CEP128: variants seen among roughly 807,000 people sequenced by gnomAD.
CEP128 encodes the protein centrosomal protein 128.
In CEP128, 132 loss-of-function variants were observed where a neutral mutation model predicts 156.7. The ratio of observed to expected loss-of-function variants is 0.84; its 90% CI spans 0.73 to 0.97. The LOEUF is 0.97. Ranked by LOEUF, CEP128 falls within the 50% of genes least tolerant of loss-of-function variation. CEP128 has a pLI of 0.00. For synonymous variants in CEP128, 469 were observed against 448.9 expected, an observed-to-expected ratio of 1.04 and a Z score of -0.57; for missense variants, 1,252 against 1,281.9, an observed-to-expected ratio of 0.98 and a Z score of 0.36.
intron 8 of CEP128, among the ~76,000 whole-genome samples, chr14:80,871,132 G>A (rs1325310164): frequency 6.6e-6 from 1 of 152,020 alleles, no homozygotes; most frequent in Non-Finnish European, 1.5e-5. Flanking sequence ...AAGATATACA[G>A]AGAAAGCCAC....
chr14:80,696,229 C>G (rs117751011), intron 19 of CEP128, among the ~76,000 whole-genome samples: 2,005 of 152,190 alleles, frequency 0.013, 20 homozygotes, highest in Non-Finnish European at 0.021. Flanking sequence ...AGTGAGTAAA[C>G]AAGGAATAAC....
chr14:80,520,989 A>ATT lies in CEP128; in HGVS notation c.3072+5878_3072+5879dup, dbSNP rs533538115. 5.7e-3 allele frequency among the ~76,000 whole-genome samples: 654 copies of ATT among 114,578 alleles called. 3 individuals are homozygous for ATT. The highest frequency in any genetic ancestry group is 9.6e-3 in the Non-Finnish European group (530 of 55,036). 75.2% of individuals were successfully genotyped at this position (114,578 alleles called of 152,430 possible). On this transcript the variant is annotated intron_variant, in intron 23 of 24. Coordinates refer to ENST00000555265, the MANE Select transcript of CEP128 (RefSeq NM_152446.5). ...AGGCACCCGCCACCACGCCCAGCTA[A>ATT]TTTTTTTTTTTTTTTTTTTTTTTTT...
intron 23 of CEP128, among the ~76,000 whole-genome samples, chr14:80,519,374 A>G (rs1888633426): frequency 6.6e-6 from 1 of 152,236 alleles, no homozygotes; most frequent in African/African-American, 2.4e-5. Flanking sequence ...ATACCCACCA[A>G]GTATTTTTCT....
intron 19 of CEP128, among the ~76,000 whole-genome samples, chr14:80,704,728 A>G (rs1399905097): frequency 1.4e-5 from 2 of 145,610 alleles, no homozygotes; most frequent in African/African-American, 4.9e-5. Context: ...ATTTAGCCTA[A>G]ACTGATTCTG....
chr14:80,702,988 G>T (rs1897124829), intron 19 of CEP128, among the ~76,000 whole-genome samples: 1 of 152,132 alleles, frequency 6.6e-6, no homozygotes. Flanking sequence ...ATGTATGTAT[G>T]TACGTATGTA....
At chr14:80,756,988 T>G in intron 17 of CEP128, 37 bp from the exon 18 acceptor site, 1 of 1,307,444 alleles carries the variant, frequency 7.6e-7, no homozygotes, top group Non-Finnish European at 1.1e-6. Context: ...AAATACATTT[T>G]TCTCTGACAT....
chr14:80,767,254 G>A (rs1900284869), intron 16 of CEP128, among the ~76,000 whole-genome samples: 1 of 152,012 alleles, frequency 6.6e-6, no homozygotes, highest in African/African-American at 2.4e-5. Flanking sequence ...ATTTAAGCTG[G>A]AAAATTACCA....
intron 13 of CEP128, among the ~76,000 whole-genome samples, chr14:80,805,131 C>T (rs1003824746): frequency 6.6e-6 from 1 of 151,840 alleles, no homozygotes; most frequent in African/African-American, 2.4e-5. Flanking sequence ...GGATAAACCT[C>T]AAGGTTTATC....
intron 18 of CEP128, among the ~76,000 whole-genome samples, chr14:80,745,686 G>A (rs910977534): frequency 1.3e-5 from 2 of 151,922 alleles, no homozygotes; most frequent in African/African-American, 4.8e-5. Context: ...TTCTCACTAA[G>A]ACCAGAAGCA....
At chr14:80,584,695 T>C (rs1055260151) in intron 19 of CEP128, among the ~76,000 whole-genome samples, 3 of 152,278 alleles carry the variant, frequency 2.0e-5, no homozygotes, top group East Asian at 1.9e-4. Context: ...CAAGAGAATA[T>C]AGGTGAGACC....
intron 9 of CEP128, among the ~76,000 whole-genome samples, chr14:80,845,729 TA>T (rs1257717636): frequency 5.3e-5 from 8 of 152,142 alleles, no homozygotes; most frequent in African/African-American, 7.2e-5. Context: ...TATTTTCTAA[TA>T]AAAATAAAAC....
At chr14:80,930,777 C>T (rs1215067842) in intron 2 of CEP128, among the ~76,000 whole-genome samples, 1 of 152,202 alleles carries the variant, frequency 6.6e-6, no homozygotes, top group Non-Finnish European at 1.5e-5. Context: ...TTGAAGGCCA[C>T]CACTTCATCA....
chr14:80,913,212 C>A (rs1178871243), intron 4 of CEP128, among the ~76,000 whole-genome samples: 3 of 152,052 alleles, frequency 2.0e-5, no homozygotes, highest in Non-Finnish European at 4.4e-5. Flanking sequence ...TTCCAGCAAT[C>A]CTACAGGATT....
At chr14:80,533,517 T>C (rs112112752) in intron 21 of CEP128, among the ~76,000 whole-genome samples, 2,097 of 152,288 alleles carry the variant, frequency 0.014, 53 homozygotes, top group African/African-American at 0.048. Context: ...GAAACCATTC[T>C]TTTCCTTGCA....
intron 8 of CEP128, among the ~76,000 whole-genome samples, chr14:80,876,859 A>G (rs1170752015): frequency 6.6e-6 from 1 of 152,226 alleles, no homozygotes; most frequent in African/African-American, 2.4e-5. Context: ...ACCCTAAAGG[A>G]AATCTTAAAA....
At chr14:80,721,020 C>T (rs565142817) in intron 19 of CEP128, among the ~76,000 whole-genome samples, 1 of 152,174 alleles carries the variant, frequency 6.6e-6, no homozygotes, top group East Asian at 1.9e-4. Context: ...GGTGCATAAT[C>T]GTGTTATTCC....
chr14:80,491,129 T>G (rs1342509447), intron 6 of CEP128, among the ~76,000 whole-genome samples: 3 of 152,036 alleles, frequency 2.0e-5, no homozygotes, highest in Non-Finnish European at 4.4e-5. Flanking sequence ...AATCCATGAG[T>G]TTACATGCAT....
intron 13 of CEP128, among the ~76,000 whole-genome samples, chr14:80,821,626 CACACACACACACACACAT>C (rs1367707929): frequency 4.0e-5 from 6 of 150,610 alleles, no homozygotes; most frequent in Admixed American, 1.3e-4. Flanking sequence ...CACACACACA[CACACACACACACACACAT>C]GCACACAAAG....
intron 9 of CEP128, among the ~76,000 whole-genome samples, chr14:80,844,037 T>C (rs1246841058): frequency 6.6e-6 from 1 of 152,064 alleles, no homozygotes; most frequent in African/African-American, 2.4e-5. Context: ...TCTTTGAATT[T>C]CTAAATTATG....
Sources: allele counts gnomAD v4.1 joint callset (sites outside exome capture counted in the v4.1 genomes callset), GRCh38; gene constraint gnomAD v4.1.1; transcripts MANE v1.5; gene names NCBI Gene and HGNC (gene_info 2026-07-23, HGNC 2026-07-21).